Variants in CAMTA1 observed in about 807,000 individuals in gnomAD.
CAMTA1 encodes the protein calmodulin binding transcription activator 1.
In CAMTA1, 27 loss-of-function variants were observed where a neutral mutation model predicts 170.9. The observed-to-expected ratio is 0.16, with a 90% CI of 0.12 to 0.22. The LOEUF (loss-of-function observed/expected upper bound fraction) is 0.22. Ranked by LOEUF, CAMTA1 falls within the 10% of genes least tolerant of loss-of-function variation. The pLI is 1.00. For missense variants in CAMTA1, 1,619 were observed against 2,217.2 expected, an observed-to-expected ratio of 0.73 and a Z score of 5.42; for synonymous variants, 833 against 891.5, an observed-to-expected ratio of 0.93 and a Z score of 1.17.
intron 5 of CAMTA1, among the ~76,000 whole-genome samples, chr1:7,296,437 GAGA>G (rs2149526788): frequency 6.6e-6 from 1 of 152,324 alleles, no homozygotes; most frequent in East Asian, 1.9e-4. Context: ...TTCTTGACAA[GAGA>G]AGATGATGAC....
intron 5 of CAMTA1, among the ~76,000 whole-genome samples, chr1:7,266,346 T>G (rs544805210): frequency 1.3e-5 from 2 of 152,156 alleles, no homozygotes; most frequent in Non-Finnish European, 2.9e-5. Flanking sequence ...CCACTGTGGG[T>G]CCACCACAGG....
chr1:7,657,721 G>A (rs933425181), intron 7 of CAMTA1, among the ~76,000 whole-genome samples: 1 of 152,146 alleles, frequency 6.6e-6, no homozygotes, highest in African/African-American at 2.4e-5. Context: ...TTGATATTCA[G>A]TGCTAACAAC....
intron 3 of CAMTA1, among the ~76,000 whole-genome samples, chr1:6,885,482 C>A (rs914636077): frequency 6.6e-6 from 1 of 152,140 alleles, no homozygotes; most frequent in African/African-American, 2.4e-5. Context: ...TCATTCATTC[C>A]TTCAGAAATT....
At chr1:7,731,259 T>C (rs2096731003) in intron 11 of CAMTA1, among the ~76,000 whole-genome samples, 2 of 152,124 alleles carry the variant, frequency 1.3e-5, no homozygotes, top group Admixed American at 6.5e-5. Flanking sequence ...TTTATGTTTG[T>C]CTCCGATGAG....
chr1:6,787,186 A>T (rs947780935), intron 1 of CAMTA1, among the ~76,000 whole-genome samples: 3 of 152,146 alleles, frequency 2.0e-5, no homozygotes, highest in Non-Finnish European at 4.4e-5. Context: ...TAATTTTCTC[A>T]AATTGTATTC....
chr1:7,330,652 A>G (rs2082970855), intron 5 of CAMTA1, among the ~76,000 whole-genome samples: 1 of 152,244 alleles, frequency 6.6e-6, no homozygotes, highest in African/African-American at 2.4e-5. Context: ...GACATTACCC[A>G]GGACATGTGA....
chr1:7,383,089 A>G (rs899950679), intron 5 of CAMTA1, among the ~76,000 whole-genome samples: 19 of 152,304 alleles, frequency 1.2e-4, no homozygotes, highest in African/African-American at 4.3e-4. Flanking sequence ...AAGTAAGATA[A>G]TCACATGATC....
intron 5 of CAMTA1, among the ~76,000 whole-genome samples, chr1:7,274,668 A>G (rs142199112): frequency 6.6e-6 from 1 of 152,238 alleles, no homozygotes; most frequent in Non-Finnish European, 1.5e-5. Context: ...ATTTATTAAT[A>G]TAAACTATAT....
intron 10 of CAMTA1, among the ~76,000 whole-genome samples, chr1:7,675,263 G>C (rs538152689): frequency 3.3e-5 from 5 of 152,214 alleles, no homozygotes; most frequent in African/African-American, 1.2e-4. Flanking sequence ...ATAGTGAGTG[G>C]GGTACGGGGA....
At chr1:7,499,237 G>A (rs62653663) in intron 6 of CAMTA1, among the ~76,000 whole-genome samples, 9,449 of 110,480 alleles carry the variant, frequency 0.086, 890 homozygotes, top group East Asian at 0.31. Flanking sequence ...ATGAGTGTGT[G>A]TGTGCATGTG....
At chr1:7,448,391 C>T (rs1260307269) in intron 5 of CAMTA1, among the ~76,000 whole-genome samples, 1 of 152,142 alleles carries the variant, frequency 6.6e-6, no homozygotes, top group East Asian at 1.9e-4. Context: ...GACCCTCTGC[C>T]TGGGGAGAAC....
chr1:7,705,675 A>G (rs930506596), intron 11 of CAMTA1, among the ~76,000 whole-genome samples: 7 of 152,090 alleles, frequency 4.6e-5, no homozygotes, highest in African/African-American at 1.2e-4. Flanking sequence ...TTCCCTGGGC[A>G]GACAGGTGCG....
chr1:6,910,756 T>A (rs1384846395), intron 3 of CAMTA1, among the ~76,000 whole-genome samples: 1 of 152,150 alleles, frequency 6.6e-6, no homozygotes. Flanking sequence ...GGCGGAGGTG[T>A]GCTTGCCTGT....
At chr1:6,797,013 A>G (rs1014700962) in intron 1 of CAMTA1, among the ~76,000 whole-genome samples, 1 of 152,244 alleles carries the variant, frequency 6.6e-6, no homozygotes. Flanking sequence ...ATAATAATGC[A>G]TGATTAGAAT....
chr1:6,955,294 A>G (rs1027716790), intron 3 of CAMTA1, among the ~76,000 whole-genome samples: 1 of 151,972 alleles, frequency 6.6e-6, no homozygotes, highest in African/African-American at 2.4e-5. Flanking sequence ...TACTCTCACC[A>G]TCTCCCCTCA....
At chr1:7,658,022 A>G (rs1008061089) in intron 7 of CAMTA1, among the ~76,000 whole-genome samples, 2 of 152,174 alleles carry the variant, frequency 1.3e-5, no homozygotes, top group African/African-American at 2.4e-5. Flanking sequence ...CCCTGATCTG[A>G]AATGCCAGGA....
intron 1 of CAMTA1, among the ~76,000 whole-genome samples, chr1:6,796,144 T>C (rs1183254541): frequency 1.4e-5 from 2 of 140,744 alleles, no homozygotes; most frequent in Admixed American, 1.4e-4. Flanking sequence ...TTTTTTTTTT[T>C]TTTTTTTTTT....
In CAMTA1 at chr1:6,959,568, CTCA is replaced by C. The variant is rs1297552157; in HGVS notation, c.235-131732_235-131730del. Among the ~76,000 whole-genome samples the C allele has an allele frequency of 2.0e-5, 3 of 152,156 alleles. No individual in the cohort carries two copies. The East Asian group carries it at 5.8e-4, about 29-fold the overall frequency. ...CTCAGGCTGCAAAAGAGGTCATAGC[CTCA>C]TCACGGAGATGAGGCATAAAGTCAG... On this transcript the variant is annotated intron_variant, in intron 3 of 22. Transcript: ENST00000303635.
intron 3 of CAMTA1, among the ~76,000 whole-genome samples, chr1:7,002,253 C>A (rs932035438): frequency 5.3e-5 from 8 of 152,046 alleles, no homozygotes; most frequent in Non-Finnish European, 1.2e-4. Context: ...GAGTAAAAAC[C>A]CCATGTTTTG....
Sources: gnomAD v4.1 joint callset for allele counts (sites outside exome capture counted in the v4.1 genomes callset) on GRCh38, gnomAD v4.1.1 for gene constraint, MANE v1.5 for transcripts, NCBI Gene and HGNC (gene_info 2026-07-23, HGNC 2026-07-21) for gene names.